Variants in MALRD1 observed in about 807,000 individuals in gnomAD.
MALRD1 encodes the protein MAM and LDL receptor class A domain containing 1.
In MALRD1, 247 loss-of-function variants were observed where a neutral mutation model predicts 242.1. That is an observed-to-expected ratio of 1.02 (90% confidence interval 0.92 to 1.13). The LOEUF is 1.13. Among genes scored for constraint, MALRD1 ranks in the 50% most tolerant of loss-of-function variants. MALRD1 has a pLI of 0.00. For synonymous variants in MALRD1, 995 were observed against 866.6 expected (o/e 1.15, Z -2.60); for missense variants, 2,989 against 2,533.1 (o/e 1.18, Z -3.86).
rs911381737 is a variant in MALRD1 at position 19,284,408 on chromosome 10, C to A, written c.3419+1227C>A. Among the ~76,000 whole-genome samples the A allele has an allele frequency of 1.5e-3, 183 of 122,892 alleles. 2 individuals carry two copies. Among genetic ancestry groups the A allele is most frequent in the African/African-American group, 5.2e-3 (169 of 32,796 alleles). The allele number at this position is 122,892 out of a possible 152,430, so 80.6% of individuals were successfully genotyped here. A position where few individuals can be genotyped will look rare whatever the true frequency, so the allele number is the denominator to read the frequency against. On this transcript the variant is annotated intron_variant, in intron 21 of 39. Coordinates refer to ENST00000454679, the MANE Select transcript of MALRD1 (RefSeq NM_001142308.3). Reference sequence around the variant, plus strand: ...CAATGCTATCCCTCCCCCCTCCCCCCACCCCACCACAGTCCCCAGAGTGTG... The same window carrying A: ...CAATGCTATCCCTCCCCCCTCCCCCAACCCCACCACAGTCCCCAGAGTGTG...
chr10:19,541,110 G>C (rs562286018), intron 32 of MALRD1, among the ~76,000 whole-genome samples: 1 of 152,224 alleles, frequency 6.6e-6, no homozygotes, highest in East Asian at 1.9e-4. Context: ...AAGTTATTGA[G>C]TGGCACTATC....
intron 26 of MALRD1, among the ~76,000 whole-genome samples, chr10:19,356,253 A>T (rs556901210): frequency 1.3e-4 from 20 of 152,210 alleles, no homozygotes; most frequent in African/African-American, 3.6e-4. Flanking sequence ...ATCTGTAACT[A>T]TATCTAACAT....
intron 32 of MALRD1, among the ~76,000 whole-genome samples, chr10:19,565,646 A>G (rs761829868): frequency 6.6e-6 from 1 of 152,186 alleles, no homozygotes; most frequent in African/African-American, 2.4e-5. Context: ...TAAACCAAGT[A>G]TCCACCAGAT....
At chr10:19,538,278 T>C (rs1433753419) in intron 32 of MALRD1, among the ~76,000 whole-genome samples, 7 of 152,202 alleles carry the variant, frequency 4.6e-5, no homozygotes, top group Admixed American at 2.6e-4. Context: ...AAATGACTGA[T>C]AATCAGAATA....
At chr10:19,384,764 T>A (rs979927565) in intron 26 of MALRD1, among the ~76,000 whole-genome samples, 4 of 146,086 alleles carry the variant, frequency 2.7e-5, no homozygotes, top group African/African-American at 1.0e-4. Flanking sequence ...TTTTTCTTTT[T>A]CTTACCTAAT....
chr10:19,069,299 T>C (rs777025521), intron 2 of MALRD1, among the ~76,000 whole-genome samples: 10 of 152,094 alleles, frequency 6.6e-5, no homozygotes, highest in Non-Finnish European at 1.3e-4. Flanking sequence ...TCATATATTA[T>C]GAAACATGTA....
intron 28 of MALRD1, among the ~76,000 whole-genome samples, chr10:19,395,052 A>ACATTT (rs1341365477): frequency 6.6e-6 from 1 of 152,210 alleles, no homozygotes; most frequent in African/African-American, 2.4e-5. Flanking sequence ...CAATTAAACC[A>ACATTT]CATTTTTAGT....
chr10:19,329,574 C>A (rs1843277484), intron 23 of MALRD1, among the ~76,000 whole-genome samples: 1 of 152,040 alleles, frequency 6.6e-6, no homozygotes, highest in Admixed American at 6.6e-5. Flanking sequence ...GTATTATTAT[C>A]TCCATATTAT....
chr10:19,569,126 TG>T (rs1320950733), intron 33 of MALRD1, among the ~76,000 whole-genome samples: 3 of 152,160 alleles, frequency 2.0e-5, no homozygotes, highest in African/African-American at 7.2e-5. Flanking sequence ...TCCCATATTC[TG>T]CCATAATGGC....
Position 19,347,924 on chromosome 10 carries a change from A to G in MALRD1, c.4055A>G (p.His1352Arg). The G allele has an allele frequency of 6.5e-7, 1 of 1,550,354 alleles. No homozygotes were observed. The highest frequency in any genetic ancestry group is 1.2e-5 in the South Asian group (1 of 84,060). Residue 1352 changes from histidine to arginine, a missense_variant, in exon 25 of 40, where the codon CAT (histidine) becomes CGT (arginine). Transcript: ENST00000454679. ...CACACTTTGGGAAATTCATCTGGTC[A>G]TTACATCTTTATAAAGAGTTTGTTT... ...ADHTLGNSSG[H>R]YIFIKSLFPQ...
chr10:19,417,515 A>G (rs1279978756), intron 28 of MALRD1, among the ~76,000 whole-genome samples: 4 of 152,186 alleles, frequency 2.6e-5, no homozygotes, highest in African/African-American at 9.7e-5. Context: ...TAACATATCA[A>G]TATGGCAAGA....
rs1006986086 is a variant in MALRD1, at chr10:19,329,962, T to C, written c.3688-1407T>C. 2.0e-5 allele frequency among the ~76,000 whole-genome samples: 3 copies of C among 152,330 alleles called. No individual in the cohort carries two copies. The South Asian group carries it at 6.2e-4, about 32-fold the overall frequency. On this transcript the variant is annotated intron_variant, in intron 23 of 39. Transcript: ENST00000454679. ...ACAGTGCAACACTCATTGCATTATC[T>C]GATTTCTTATTCACAGAGCATTGCA...
chr10:19,505,987 AT>A (rs2131271734), intron 31 of MALRD1, among the ~76,000 whole-genome samples: 1 of 152,260 alleles, frequency 6.6e-6, no homozygotes, highest in Admixed American at 6.5e-5. Flanking sequence ...ACCCACAAAG[AT>A]TCTTATTTAA....
intron 31 of MALRD1, among the ~76,000 whole-genome samples, chr10:19,518,617 T>A (rs1191644890): frequency 6.6e-6 from 1 of 152,214 alleles, no homozygotes; most frequent in Non-Finnish European, 1.5e-5. Flanking sequence ...TTTCCAAATT[T>A]TGTATTAATT....
chr10:19,700,770 CTT>C lies in MALRD1; in HGVS notation c.6314+8219_6314+8220del, dbSNP rs146130788. Among the ~76,000 whole-genome samples, 1,302 of 152,252 alleles carry C rather than the reference CTT, an allele frequency of 8.6e-3. 16 individuals are homozygous for C. The highest frequency in any genetic ancestry group is 0.043 in the East Asian group (224 of 5,162). On this transcript the variant is annotated intron_variant, in intron 38 of 39. Coordinates refer to ENST00000454679, the MANE Select transcript of MALRD1 (RefSeq NM_001142308.3). ...TGCCAAAAACAATTATCACCCAAGA[CTT>C]TTGTCAGTCTTAGTGATCTTTTGAG... is the stretch of plus-strand genomic sequence containing the variant.
At chr10:19,156,647 T>C (rs1405935459) in intron 12 of MALRD1, among the ~76,000 whole-genome samples, 2 of 152,162 alleles carry the variant, frequency 1.3e-5, no homozygotes, top group African/African-American at 2.4e-5. Flanking sequence ...AATTTGAAGA[T>C]ATTAAGAGTG....
At chr10:19,663,728 C>A (rs1419583476) in intron 36 of MALRD1, among the ~76,000 whole-genome samples, 3 of 152,102 alleles carry the variant, frequency 2.0e-5, no homozygotes, top group Non-Finnish European at 4.4e-5. Flanking sequence ...AACCCTTCAT[C>A]TGGGAAACAG....
rs548437905 is a variant in MALRD1, at chr10:19,714,068, C to G, written c.6315-16638C>G. Among the ~76,000 whole-genome samples, 10 of 152,240 alleles carry G rather than the reference C, an allele frequency of 6.6e-5. No individual in the cohort carries two copies. The East Asian group carries it at 1.7e-3, about 27-fold the overall frequency. ...CAGTGGGCGTGTGTTATAGTGTGCT[C>G]TTTCAGTTTAGCTGTCTGTAGGCAG... On this transcript the variant is annotated intron_variant, in intron 38 of 39. Transcript: ENST00000454679.
chr10:19,419,016 C>T (rs1833616003), intron 28 of MALRD1, among the ~76,000 whole-genome samples: 2 of 152,134 alleles, frequency 1.3e-5, no homozygotes, highest in Non-Finnish European at 2.9e-5. Flanking sequence ...TATTCAAAAT[C>T]ATTTGGTGGT....
Sources: allele counts gnomAD v4.1 joint callset (sites outside exome capture counted in the v4.1 genomes callset), GRCh38; gene constraint gnomAD v4.1.1; transcripts MANE v1.5; gene names NCBI Gene and HGNC (gene_info 2026-07-23, HGNC 2026-07-21).